Variants in MTCL3 observed in about 807,000 individuals in gnomAD.
MTCL3 encodes the protein microtubule cross-linking factor 3.
the MTCL3 span, among the ~76,000 whole-genome samples, chr6:127,513,215 C>T: frequency 3.3e-5 from 5 of 152,182 alleles, no homozygotes; most frequent in Admixed American, 2.6e-4. Context: ...ATATATCAAT[C>T]GTTTAACCCT....
chr6:127,495,844 C>A, the MTCL3 span, among the ~76,000 whole-genome samples: 1 of 152,096 alleles, frequency 6.6e-6, no homozygotes, highest in African/African-American at 2.4e-5. Context: ...TTGAAAAATC[C>A]AAATTTCCAG....
the MTCL3 span, chr6:127,515,897 C>A: frequency 6.2e-7 from 1 of 1,611,628 alleles, no homozygotes. This position sits in a 1 kb window ranked among gnomAD's most constrained non-coding sequence, Gnocchi z 4.3. Context: ...CTGCCGCCCC[C>A]CGCAACGCCG....
chr6:127,492,059 GT>G, the MTCL3 span, among the ~76,000 whole-genome samples: 9 of 152,238 alleles, frequency 5.9e-5, 1 homozygote, highest in Admixed American at 5.9e-4. Flanking sequence ...GCTACCCTGT[GT>G]TTTAAGTCTG....
the MTCL3 span, among the ~76,000 whole-genome samples, chr6:127,481,124 G>A: frequency 1.3e-4 from 20 of 152,172 alleles, no homozygotes; most frequent in East Asian, 7.7e-4. Context: ...GGTCCATAAA[G>A]CCAAGACTAA....
At chr6:127,509,441 A>G in the MTCL3 span, among the ~76,000 whole-genome samples, 1 of 152,208 alleles carries the variant, frequency 6.6e-6, no homozygotes, top group African/African-American at 2.4e-5. Flanking sequence ...AAACAGTTCT[A>G]AACTGTAGCA....
At chr6:127,514,257 T>C in the MTCL3 span, among the ~76,000 whole-genome samples, 1 of 152,228 alleles carries the variant, frequency 6.6e-6, no homozygotes, top group Admixed American at 6.5e-5. Context: ...AGGCTGCAAG[T>C]TGGTTATCTG....
At chr6:127,515,114 A>G in the MTCL3 span, 2 of 1,372,748 alleles carry the variant, frequency 1.5e-6, no homozygotes, top group Non-Finnish European at 2.1e-6. This position sits in a 1 kb window ranked among gnomAD's most constrained non-coding sequence, Gnocchi z 4.3. Context: ...CACACCGTAC[A>G]CACCCCATTC....
the MTCL3 span, among the ~76,000 whole-genome samples, chr6:127,503,941 A>G: frequency 5.4e-4 from 82 of 152,042 alleles, 1 homozygote; most frequent in Admixed American, 5.4e-3. Context: ...GAAATTACTT[A>G]TTGTTTATCA....
the MTCL3 span, among the ~76,000 whole-genome samples, chr6:127,491,269 C>T: frequency 1.3e-5 from 2 of 152,198 alleles, no homozygotes; most frequent in Non-Finnish European, 2.9e-5. Flanking sequence ...TTGCCTGCTA[C>T]AGGGCAGTCT....
At chr6:127,483,784 G>T in the MTCL3 span, among the ~76,000 whole-genome samples, 3,521 of 152,190 alleles carry the variant, frequency 0.023, 158 homozygotes, top group African/African-American at 0.081. Context: ...ATAAGAAGAA[G>T]GGTCTCTGTA....
the MTCL3 span, among the ~76,000 whole-genome samples, chr6:127,504,887 C>T: frequency 2.2e-4 from 33 of 152,194 alleles, no homozygotes; most frequent in African/African-American, 7.2e-4. Context: ...CCACATTCTG[C>T]GGTGAGAGCC....
chr6:127,494,028 G>T, the MTCL3 span, among the ~76,000 whole-genome samples: 2 of 152,112 alleles, frequency 1.3e-5, no homozygotes, highest in Non-Finnish European at 2.9e-5. Context: ...AGTCTTTTTT[G>T]GTGTGGGAAT....
At chr6:127,474,722 G>GT in the MTCL3 span, among the ~76,000 whole-genome samples, 1 of 152,122 alleles carries the variant, frequency 6.6e-6, no homozygotes, top group Non-Finnish European at 1.5e-5. Flanking sequence ...TGGATTACAG[G>GT]TGCGTGCCAC....
the MTCL3 span, among the ~76,000 whole-genome samples, chr6:127,512,135 T>A: frequency 6.6e-6 from 1 of 152,210 alleles, no homozygotes; most frequent in South Asian, 2.1e-4. Flanking sequence ...TAGGTGTTTC[T>A]GTCTCTTTTC....
the MTCL3 span, among the ~76,000 whole-genome samples, chr6:127,474,475 G>A: frequency 5.3e-5 from 8 of 151,730 alleles, no homozygotes; most frequent in Admixed American, 4.6e-4. Context: ...CACGGGTTTC[G>A]CCATGTTGGC....
chr6:127,514,790 T>C, the MTCL3 span: 44 of 1,584,782 alleles, frequency 2.8e-5, no homozygotes, highest in Non-Finnish European at 3.4e-5. Context: ...CCACCGCCCC[T>C]GCCGCGCGCC....
the MTCL3 span, chr6:127,473,384 TG>T: frequency 6.5e-7 from 1 of 1,533,762 alleles, no homozygotes; most frequent in Admixed American, 2.4e-5. Flanking sequence ...AATGATAGGC[TG>T]GAACATCTGG....
At chr6:127,510,184 T>C in the MTCL3 span, among the ~76,000 whole-genome samples, 1 of 152,208 alleles carries the variant, frequency 6.6e-6, no homozygotes, top group African/African-American at 2.4e-5. Flanking sequence ...TCCTAAATTA[T>C]TTTTACTTTT....
At chr6:127,479,979 A>G in the MTCL3 span, among the ~76,000 whole-genome samples, 4 of 152,208 alleles carry the variant, frequency 2.6e-5, no homozygotes, top group Middle Eastern at 3.2e-3. Context: ...ACTTTCTCCT[A>G]TTTTCCACAG....
Sources: allele counts gnomAD v4.1 joint callset (sites outside exome capture counted in the v4.1 genomes callset), GRCh38; gene constraint gnomAD v4.1.1; non-coding constraint Gnocchi (gnomAD v3.1); transcripts MANE v1.5; gene names NCBI Gene and HGNC (gene_info 2026-07-23, HGNC 2026-07-21).